The following KAZN variants were observed in gnomAD, a reference collection of about 807,000 sequenced individuals.
The protein encoded by KAZN is kazrin.
KAZN carries 40 observed loss-of-function variants against 87.4 expected under a neutral mutation model. The observed-to-expected ratio is 0.46, with a 90% confidence interval of 0.36 to 0.60. The LOEUF is 0.60. Ranked by LOEUF, KAZN falls within the 20% of genes least tolerant of loss-of-function variation. The pLI, the probability that KAZN is intolerant of heterozygous loss-of-function variation, is 0.00. For synonymous variants in KAZN, 466 were observed against 458.3 expected, an observed-to-expected ratio of 1.02 and a Z score of -0.22; for missense variants, 898 against 1,073.9, an observed-to-expected ratio of 0.84 and a Z score of 2.29.
At chr1:14,525,478 T>C (rs975350739) in intron 2 of KAZN, among the ~76,000 whole-genome samples, 1 of 152,220 alleles carries the variant, frequency 6.6e-6, no homozygotes, top group African/African-American at 2.4e-5. Flanking sequence ...TGTGTTCCGA[T>C]AAAACTTTAT....
intron 2 of KAZN, among the ~76,000 whole-genome samples, chr1:14,410,829 A>G (rs1664247032): frequency 6.6e-6 from 1 of 152,194 alleles, no homozygotes; most frequent in Admixed American, 6.5e-5. Context: ...AACCCGAAAG[A>G]GGCCAGGCAT....
At chr1:14,022,418 C>T (rs562047994) in intron 1 of KAZN, among the ~76,000 whole-genome samples, 2 of 131,818 alleles carry the variant, frequency 1.5e-5, no homozygotes, top group East Asian at 5.0e-4. Context: ...ATTAAGAAGG[C>T]TTTGACCTAT....
At chr1:14,624,288 G>A (rs2148647010) in intron 1 of KAZN, among the ~76,000 whole-genome samples, 1 of 152,276 alleles carries the variant, frequency 6.6e-6, no homozygotes, top group South Asian at 2.1e-4. Flanking sequence ...CAGGCTTGGT[G>A]GCATGTGCCT....
At chr1:14,189,837 A>G (rs1646387082) in intron 2 of KAZN, among the ~76,000 whole-genome samples, 1 of 152,136 alleles carries the variant, frequency 6.6e-6, no homozygotes, top group South Asian at 2.1e-4. Context: ...AAATCAGCAC[A>G]AGGTTTCTTA....
chr1:14,820,455 GT>G lies in KAZN; in HGVS notation c.227-140226del, dbSNP rs2100823281. Among the ~76,000 whole-genome samples, 1 of 152,328 alleles carries G rather than the reference GT, an allele frequency of 6.6e-6. No individual in the cohort carries two copies. The highest frequency in any genetic ancestry group is 6.5e-5 in the Admixed American group (1 of 15,310). On this transcript the variant is annotated intron_variant, in intron 1 of 14. Transcript: ENST00000376030. This position sits in a 1 kb window ranked among gnomAD's most constrained non-coding sequence, Gnocchi z 4.1. Reference sequence around the variant, plus strand: ...AAATGGGATGTGTCCCACTGCCCCCGTTTGGTGCCACAGTTGGGTTTATTCT... The same window carrying G: ...AAATGGGATGTGTCCCACTGCCCCCGTTGGTGCCACAGTTGGGTTTATTCT...
chr1:14,698,249 T>C (rs1261976496), intron 1 of KAZN, among the ~76,000 whole-genome samples: 1 of 151,896 alleles, frequency 6.6e-6, no homozygotes, highest in African/African-American at 2.4e-5. Context: ...TTAGCCAGAA[T>C]GGTGGAAGTG....
intron 2 of KAZN, among the ~76,000 whole-genome samples, chr1:14,510,719 A>G (rs1285461011): frequency 1.3e-5 from 2 of 152,174 alleles, no homozygotes; most frequent in Non-Finnish European, 2.9e-5. Context: ...AAGAAGCAAG[A>G]GAGAGTCAAT....
chr1:14,857,163 T>C (rs912511435), intron 1 of KAZN, among the ~76,000 whole-genome samples: 13 of 149,986 alleles, frequency 8.7e-5, no homozygotes, highest in African/African-American at 3.2e-4. Context: ...TTTCTCCTTT[T>C]GCAAAATGGG....
intron 1 of KAZN, among the ~76,000 whole-genome samples, chr1:14,128,319 CTGTGT>C (rs1644917283): frequency 3.1e-5 from 1 of 31,780 alleles, no homozygotes; most frequent in African/African-American, 2.6e-4. Context: ...GTGAGTCATG[CTGTGT>C]TAGTTTGCTA....
intron 2 of KAZN, among the ~76,000 whole-genome samples, chr1:14,280,498 A>G (rs1041343959): frequency 1.3e-5 from 2 of 151,930 alleles, no homozygotes; most frequent in Non-Finnish European, 2.9e-5. Flanking sequence ...TGCCACGTGA[A>G]GGTGAATGAA....
At chr1:14,591,337 C>G (rs1335210134) in intron 2 of KAZN, among the ~76,000 whole-genome samples, 1 of 151,878 alleles carries the variant, frequency 6.6e-6, no homozygotes, top group Non-Finnish European at 1.5e-5. Flanking sequence ...TTTTCCCTGT[C>G]ACTTACAGAG....
At chr1:14,286,967 A>G (rs899868790) in intron 2 of KAZN, among the ~76,000 whole-genome samples, 1 of 152,180 alleles carries the variant, frequency 6.6e-6, no homozygotes, top group Non-Finnish European at 1.5e-5. Flanking sequence ...CTAAGAAGCC[A>G]TATATGAATT....
rs568893523 is a variant in KAZN, at chr1:14,120,973, C to T, written c.92-59462C>T. 8.5e-4 allele frequency among the ~76,000 whole-genome samples: 129 copies of T among 152,316 alleles called. 3 individuals are homozygous for T. The highest frequency in any genetic ancestry group is 3.4e-3 in the Middle Eastern group (1 of 294). ...TCTGGCAAAGGAGCTCTGTGCTCTT[C>T]TACTAGTCCACAGCCTATGAATGAT... On this transcript the variant is annotated intron_variant, in intron 1 of 16. Coordinates refer to the KAZN transcript ENST00000636203.
chr1:14,372,416 T>TA (rs1660564172), intron 2 of KAZN, among the ~76,000 whole-genome samples: 1 of 152,204 alleles, frequency 6.6e-6, no homozygotes, highest in African/African-American at 2.4e-5. Context: ...ACCTTCGTGC[T>TA]AGTGACAGGC....
chr1:14,214,814 C>G (rs1646926304), intron 2 of KAZN, among the ~76,000 whole-genome samples: 1 of 152,156 alleles, frequency 6.6e-6, no homozygotes, highest in Non-Finnish European at 1.5e-5. Flanking sequence ...TCTGTGAGCA[C>G]AATTGCAAGT....
intron 4 of KAZN, among the ~76,000 whole-genome samples, chr1:15,046,916 C>A (rs1673616256): frequency 6.6e-6 from 1 of 152,220 alleles, no homozygotes; most frequent in African/African-American, 2.4e-5. Flanking sequence ...ACAGATATGT[C>A]TTCCTTCCTT....
chr1:14,672,754 C>CA (rs1330464699), intron 1 of KAZN, among the ~76,000 whole-genome samples: 21 of 152,210 alleles, frequency 1.4e-4, no homozygotes, highest in Admixed American at 2.0e-4. Context: ...TTTGCGGAGA[C>CA]AGCAGCACTG....
intron 2 of KAZN, among the ~76,000 whole-genome samples, chr1:15,022,085 G>A (rs993218027): frequency 6.6e-6 from 1 of 152,154 alleles, no homozygotes; most frequent in East Asian, 1.9e-4. Flanking sequence ...GTGGGAATTA[G>A]GGGAGCTACA....
At chr1:14,179,864 T>C (rs879847517) in intron 1 of KAZN, among the ~76,000 whole-genome samples, 1 of 152,170 alleles carries the variant, frequency 6.6e-6, no homozygotes, top group Admixed American at 6.5e-5. Context: ...AATCTTAAAA[T>C]CTATAACACA....
Sources: allele counts gnomAD v4.1 joint callset (sites outside exome capture counted in the v4.1 genomes callset), GRCh38; gene constraint gnomAD v4.1.1; non-coding constraint Gnocchi (gnomAD v3.1); transcripts MANE v1.5; gene names NCBI Gene and HGNC (gene_info 2026-07-23, HGNC 2026-07-21).